Variants in CDCA2 observed in about 807,000 individuals in gnomAD.
CDCA2 encodes the protein cell division cycle-associated protein 2.
CDCA2 carries 44 observed loss-of-function variants against 67.0 expected under a neutral mutation model. The observed-to-expected ratio is 0.66, with a 90% confidence interval of 0.52 to 0.84. The LOEUF (loss-of-function observed/expected upper bound fraction) is 0.84. CDCA2 is among the 40% of genes least tolerant of loss of function. The pLI is 0.00. For missense variants in CDCA2, 1,253 were observed against 1,203.2 expected (o/e 1.04, Z -0.61); for synonymous variants, 447 against 418.7 (o/e 1.07, Z -0.82).
At chr8:25,460,056 T>C (rs6991793) in intron 1 of CDCA2, among the ~76,000 whole-genome samples, 184 bp from the exon 2 acceptor site, 61,059 of 152,020 alleles carry the variant, frequency 0.4, 12,713 homozygotes, top group African/African-American at 0.52. Context: ...AAATATTTCA[T>C]GTACCCCATA....
intron 13 of CDCA2, among the ~76,000 whole-genome samples, chr8:25,490,437 C>G (rs1803957329): frequency 1.3e-5 from 2 of 151,568 alleles, no homozygotes; most frequent in South Asian, 4.2e-4. Context: ...CAATGAATTT[C>G]TAGAAGACCA....
chr8:25,501,666 G>A (rs543195128), intron 13 of CDCA2, among the ~76,000 whole-genome samples: 138 of 152,248 alleles, frequency 9.1e-4, no homozygotes, highest in Non-Finnish European at 1.5e-3. Context: ...TACATTTTCC[G>A]TGGAGCCGAT....
At chr8:25,481,280 C>T (rs922852223) in intron 8 of CDCA2, among the ~76,000 whole-genome samples, 1 of 150,378 alleles carries the variant, frequency 6.6e-6, no homozygotes, top group Non-Finnish European at 1.5e-5. Flanking sequence ...ACACACAGCA[C>T]TGTTTGTTCA....
intron 14 of CDCA2, among the ~76,000 whole-genome samples, chr8:25,505,785 A>G (rs1804652532): frequency 6.6e-6 from 1 of 152,152 alleles, no homozygotes; most frequent in South Asian, 2.1e-4. Context: ...GTTAGTTCTA[A>G]GATTTAGAAC....
chr8:25,507,471 G>T lies in CDCA2; in HGVS notation c.2805G>T (p.Met935Ile). 1 of 1,613,900 alleles carries T rather than the reference G, an allele frequency of 6.2e-7. No homozygotes were observed. Among genetic ancestry groups the T allele is most frequent in the African/African-American group, 1.3e-5 (1 of 75,010 alleles). Residue 935 changes from methionine to isoleucine, a missense_variant, in exon 15 of 15, where the codon ATG becomes ATT. Met to Ile is a conservative substitution (Grantham distance 10). Coordinates refer to ENST00000330560, the MANE Select transcript of CDCA2 (RefSeq NM_152562.4). The stretch of plus-strand genomic sequence containing the variant: ...TTGACAGCAGTGGATTTGAAAGTAT[G>T]TCTCCCATAAAAGAAACTGTGTCCT... The part of the protein sequence containing the change: ...CTFDSSGFES[M>I]SPIKETVSSR...
chr8:25,472,637 T>C (rs1367468092), intron 7 of CDCA2, among the ~76,000 whole-genome samples: 1 of 152,380 alleles, frequency 6.6e-6, no homozygotes, highest in Admixed American at 6.5e-5. Context: ...TTTTAAAATT[T>C]AGATACATAT....
chr8:25,498,458 C>G (rs866971187), intron 13 of CDCA2, among the ~76,000 whole-genome samples: 1 of 118,890 alleles, frequency 8.4e-6, no homozygotes, highest in African/African-American at 2.9e-5. Flanking sequence ...TCTGCACCCC[C>G]CCCCCGCCCC....
intron 13 of CDCA2, 22 bp from the exon 14 acceptor site, chr8:25,503,351 A>G (rs917834139): frequency 3.8e-5 from 60 of 1,578,324 alleles, no homozygotes; most frequent in Non-Finnish European, 5.0e-5. Flanking sequence ...CTCAATTGCA[A>G]TGTTTTAATG....
chr8:25,475,722 A>G (rs569511034), intron 7 of CDCA2, among the ~76,000 whole-genome samples: 1 of 152,176 alleles, frequency 6.6e-6, no homozygotes, highest in South Asian at 2.1e-4. Flanking sequence ...CCCACTAACC[A>G]TGTTTCCTGC....
In CDCA2 at chr8:25,505,348, C is replaced by T. The variant is rs906832471; in HGVS notation, c.1844-1162C>T. ...TCCCAGGTAGCTGGGACTACAAGCACGCGCCACCATGCCTGGCTAATTTTG... is the reference window on the plus strand; with the variant it reads ...TCCCAGGTAGCTGGGACTACAAGCATGCGCCACCATGCCTGGCTAATTTTG... On this transcript the variant is annotated intron_variant, in intron 14 of 14. Coordinates refer to ENST00000330560, the MANE Select transcript of CDCA2 (RefSeq NM_152562.4). Among the ~76,000 whole-genome samples the T allele has an allele frequency of 6.6e-5, 10 of 152,232 alleles. No individual in the cohort carries two copies. In the East Asian group the frequency reaches 1.6e-3, roughly 24 times the overall value.
chr8:25,462,210 T>TA lies in CDCA2; in HGVS notation c.387+3dup. On this transcript the variant is annotated splice_region_variant and intron_variant, in intron 4 of 14. Coordinates refer to ENST00000330560, the MANE Select transcript of CDCA2 (RefSeq NM_152562.4). ...TTGGCACAAGATTCTCCTTCCCAGG[T>TA]ATGATTTTCTTCTAAGTTCTGTCGT... The TA allele has an allele frequency of 6.2e-7, 1 of 1,613,768 alleles. No homozygotes were observed. Among genetic ancestry groups the TA allele is most frequent in the Non-Finnish European group, 8.5e-7 (1 of 1,179,690 alleles).
intron 9 of CDCA2, 95 bp downstream of exon 9, chr8:25,483,581 C>T (rs529716489): frequency 1.2e-4 from 93 of 798,802 alleles, no homozygotes; most frequent in Non-Finnish European, 1.8e-4. Context: ...ATCTATAATG[C>T]CTTAGTGCTT....
At chr8:25,460,759 A>G (rs1384210658) in intron 3 of CDCA2, among the ~76,000 whole-genome samples, 1 of 152,358 alleles carries the variant, frequency 6.6e-6, no homozygotes. Flanking sequence ...GGCACCCAGC[A>G]TGATAATGTT....
chr8:25,489,894 A>G (rs1223946678), intron 13 of CDCA2, among the ~76,000 whole-genome samples: 3 of 152,246 alleles, frequency 2.0e-5, no homozygotes, highest in South Asian at 2.1e-4. Flanking sequence ...CGTACTAGAC[A>G]TCTGTCTTTA....
chr8:25,484,152 A>T lies in CDCA2; in HGVS notation c.1307A>T (p.Gln436Leu). 1 of 1,614,234 alleles carries T rather than the reference A, an allele frequency of 6.2e-7. No individual in the cohort carries two copies. The highest frequency in any genetic ancestry group is 8.5e-7 in the Non-Finnish European group (1 of 1,180,040). ...FSGLSSLLLE[Q>L]SPVPEPLPQP... is the part of the protein sequence containing the mutation. ...GGTCTCAGTTCCCTGCTGCTTGAGCAGTCACCTGTTCCTGAGCCATTACCT... is the reference window on the plus strand; with the variant it reads ...GGTCTCAGTTCCCTGCTGCTTGAGCTGTCACCTGTTCCTGAGCCATTACCT... The change falls in exon 10 of 15, where the codon CAG (glutamine) becomes CTG (leucine). Residue 436 changes from glutamine to leucine, a missense_variant. Gln to Leu is a moderately radical substitution (Grantham distance 113, BLOSUM62 -2). Coordinates refer to ENST00000330560, the MANE Select transcript of CDCA2 (RefSeq NM_152562.4).
intron 9 of CDCA2, 71 bp from the exon 10 acceptor site, chr8:25,483,895 C>A: frequency 7.8e-7 from 1 of 1,283,990 alleles, no homozygotes; most frequent in Non-Finnish European, 1.1e-6. Context: ...TTAAAAGATT[C>A]TAGTATATGC....
intron 5 of CDCA2, among the ~76,000 whole-genome samples, chr8:25,466,590 A>ATTAGC (rs892482479): frequency 4.6e-5 from 7 of 152,192 alleles, no homozygotes; most frequent in Non-Finnish European, 7.3e-5. Context: ...GCCAGAGATA[A>ATTAGC]TTAGCTCATT....
rs1332593379 is a variant in CDCA2, at chr8:25,483,513, C to T, written c.1120+27C>T. ...TAAGAAATTCATACTTGTTTTTAAG[C>T]TTGAGGATATCATTTTCATGTTAGT... On this transcript the variant is annotated intron_variant, in intron 9 of 14. Transcript: ENST00000330560. 2.7e-6 allele frequency: 4 copies of T among 1,497,906 alleles called. No homozygotes were observed. In the African/African-American group the frequency reaches 5.6e-5, roughly 21 times the overall value. The allele number at this position is 1,497,906 out of a possible 1,614,324, so 92.8% of individuals were successfully genotyped here.
chr8:25,460,546 A>T lies in CDCA2; in HGVS notation c.224A>T (p.Asn75Ile), dbSNP rs1453200820. ...LGITPESFVR[N>I]SAGKSSSYLK... is the part of the protein sequence containing the mutation. ...ATTACACCTGAAAGCTTTGTTAGGA[A>T]CTCTGCAGGTAAGAAAAGTTGTCAT... Residue 75 changes from asparagine (N) to isoleucine (I), a missense_variant, in exon 3 of 15, where the codon AAC becomes ATC. By Grantham distance (149) the Asn-to-Ile change is moderately radical. Transcript: ENST00000330560. The T allele has an allele frequency of 6.2e-7, 1 of 1,612,578 alleles. No homozygotes were observed. The highest frequency in any genetic ancestry group is 1.3e-5 in the African/African-American group (1 of 74,786).
Sources: gnomAD v4.1 joint callset for allele counts (sites outside exome capture counted in the v4.1 genomes callset) on GRCh38, gnomAD v4.1.1 for gene constraint, MANE v1.5 for transcripts, NCBI Gene and HGNC (gene_info 2026-07-23, HGNC 2026-07-21) for gene names.